Variants in RPA1 observed in about 807,000 individuals in gnomAD.
RPA1 encodes replication protein A 70 kDa DNA-binding subunit.
RPA1 carries 49 observed loss-of-function variants against 83.0 expected under a neutral mutation model. That is an observed-to-expected ratio of 0.59 (90% CI 0.47 to 0.75). The LOEUF is 0.75. Ranked by LOEUF, RPA1 falls within the 30% of genes least tolerant of loss-of-function variation. The pLI is 0.00. For missense variants in RPA1, 693 were observed against 776.1 expected (o/e 0.89, Z 1.27); for synonymous variants, 279 against 281.8 (o/e 0.99, Z 0.10).
rs1052052163 is a variant in RPA1, at chr17:1,897,312, G to C, written c.*137G>C. ...GGTGGACTAAGCAATTTCCCCCCTC[G>C]TGCGCATCTCAGAACCCATCGGTAG... On this transcript the variant is annotated 3_prime_UTR_variant, in exon 17 of 17. Coordinates refer to ENST00000254719, the MANE Select transcript of RPA1 (RefSeq NM_002945.5). 2.3e-5 allele frequency: 15 copies of C among 658,972 alleles called. No individual in the cohort carries two copies. The South Asian group carries it at 2.9e-4, about 13-fold the overall frequency. 40.8% of individuals were successfully genotyped at this position (658,972 alleles called of 1,614,324 possible).
At chr17:1,865,625 AC>A (rs1274664531) in intron 5 of RPA1, among the ~76,000 whole-genome samples, 1 of 152,158 alleles carries the variant, frequency 6.6e-6, no homozygotes, top group Admixed American at 6.6e-5. Context: ...CGCCCCTGCC[AC>A]CCACTGCTGC....
chr17:1,896,936 C>T (rs962171021), intron 16 of RPA1, 135 bp from the exon 17 acceptor site: 5 of 726,816 alleles, frequency 6.9e-6, no homozygotes, highest in African/African-American at 1.7e-5. Context: ...GGCTGTCACT[C>T]ACTGGAATGA....
rs555803099 is a variant in RPA1, at chr17:1,882,608, C to T, written c.1242-1204C>T. Among the ~76,000 whole-genome samples, 26 of 152,142 alleles carry T rather than the reference C, an allele frequency of 1.7e-4. No homozygotes were observed. The South Asian group carries it at 2.7e-3, about 16-fold the overall frequency. On this transcript the variant is annotated intron_variant, in intron 12 of 16. Transcript: ENST00000254719. ...ACTTGCCAGGAGGTGGAGGTTGCAGCGAGCCAAGTTGGTACCACCACACTC... is the reference window on the plus strand; with the variant it reads ...ACTTGCCAGGAGGTGGAGGTTGCAGTGAGCCAAGTTGGTACCACCACACTC...
At chr17:1,886,145 C>A (rs940726312) in intron 13 of RPA1, among the ~76,000 whole-genome samples, 3 of 151,668 alleles carry the variant, frequency 2.0e-5, no homozygotes, top group African/African-American at 7.3e-5. Context: ...CTGTGTGTCT[C>A]CATTGAGCTC....
At chr17:1,861,477 C>T (rs1001665181) in intron 5 of RPA1, among the ~76,000 whole-genome samples, 14 of 152,080 alleles carry the variant, frequency 9.2e-5, no homozygotes, top group Admixed American at 5.9e-4. Flanking sequence ...TTGTCCGGTA[C>T]GTAGTTTTAA....
intron 5 of RPA1, chr17:1,854,352 A>G (rs1912610107): frequency 6.6e-6 from 1 of 152,166 alleles, no homozygotes; most frequent in Middle Eastern, 3.2e-3. Context: ...GCACAAATAG[A>G]TTGGAATAAT....
Position 1,830,113 on chromosome 17 carries a change from A to AG in RPA1, c.25dup (p.Ala9GlyfsTer30). 1 of 1,247,644 alleles carries AG rather than the reference A, an allele frequency of 8.0e-7. No homozygotes were observed. Among genetic ancestry groups the AG allele is most frequent in the Admixed American group, 4.2e-5 (1 of 23,746 alleles). 77.3% of individuals were successfully genotyped at this position (1,247,644 alleles called of 1,614,324 possible). On this transcript the variant is annotated frameshift_variant, in exon 1 of 17. Transcript: ENST00000254719. LOFTEE classifies it high-confidence loss of function. ...GGAGCCATGGTCGGCCAACTGAGCG[A>AG]GGGGGCCATTGCGGTGAGGAGGTGC... is the stretch of plus-strand genomic sequence containing the variant.
At chr17:1,881,351 G>T (rs1027280395) in intron 12 of RPA1, among the ~76,000 whole-genome samples, 1 of 152,142 alleles carries the variant, frequency 6.6e-6, no homozygotes, top group African/African-American at 2.4e-5. Flanking sequence ...CTATGGGGGG[G>T]AAGTGTGTCA....
At chr17:1,855,254 C>G (rs763660038) in intron 5 of RPA1, among the ~76,000 whole-genome samples, 4 of 152,084 alleles carry the variant, frequency 2.6e-5, no homozygotes, top group Non-Finnish European at 4.4e-5. Flanking sequence ...CCTCCGCCTC[C>G]CGGGTTCAAG....
At chr17:1,880,502 C>A (rs750505392) in intron 11 of RPA1, 41 bp from the exon 12 acceptor site, 2 of 1,597,604 alleles carry the variant, frequency 1.3e-6, no homozygotes, top group East Asian at 4.5e-5. Context: ...TGTGTTCTTC[C>A]TGCTAGTGAC....
rs1913915119 is a variant in RPA1 at position 1,884,273 on chromosome 17, C to T, written c.1374+329C>T. 6.6e-6 allele frequency among the ~76,000 whole-genome samples: 1 copy of T among 152,124 alleles called. No individual in the cohort carries two copies. On this transcript the variant is annotated intron_variant, in intron 13 of 16. Coordinates refer to ENST00000254719, the MANE Select transcript of RPA1 (RefSeq NM_002945.5). The surrounding 1 kb of genome is among the most constrained non-coding windows in gnomAD (Gnocchi z 4.1). Reference sequence around the variant, plus strand: ...CGGGTCCACGTTTCTTTCCTGTGATCCTTCCTGCAAATTTAAGCGCCCACA... The same window carrying T: ...CGGGTCCACGTTTCTTTCCTGTGATTCTTCCTGCAAATTTAAGCGCCCACA...
At chr17:1,866,106 G>C (rs568373022) in intron 5 of RPA1, among the ~76,000 whole-genome samples, 22 of 152,020 alleles carry the variant, frequency 1.4e-4, no homozygotes, top group Non-Finnish European at 2.4e-4. Flanking sequence ...GCCAGGCGTG[G>C]TGGTGTACAC....
chr17:1,880,420 T>C (rs1479904753), intron 11 of RPA1, 123 bp from the exon 12 acceptor site: 2 of 988,968 alleles, frequency 2.0e-6, no homozygotes, highest in Non-Finnish European at 3.0e-6. Context: ...GTCTGTCTTG[T>C]ATGGATTCCA....
At chr17:1,875,360 C>A (rs1483383820) in intron 6 of RPA1, among the ~76,000 whole-genome samples, 1 of 152,180 alleles carries the variant, frequency 6.6e-6, no homozygotes, top group Non-Finnish European at 1.5e-5. Context: ...AGAGGGCGGC[C>A]TTCAGAAACA....
At chr17:1,846,295 C>T in intron 4 of RPA1, among the ~76,000 whole-genome samples, 1 of 141,564 alleles carries the variant, frequency 7.1e-6, no homozygotes. Context: ...GATTTCTTCC[C>T]TTGTAGGAAG....
chr17:1,842,027 A>G (rs574613508), intron 1 of RPA1, among the ~76,000 whole-genome samples: 7 of 151,974 alleles, frequency 4.6e-5, no homozygotes, highest in Admixed American at 3.9e-4. Flanking sequence ...ATTTTGTTGA[A>G]GATTCTTTTT....
chr17:1,879,728 G>A (rs200429150), intron 11 of RPA1, 29 bp downstream of exon 11: 112 of 1,613,480 alleles, frequency 6.9e-5, no homozygotes, highest in Middle Eastern at 1.6e-4. Flanking sequence ...TCTTCAACAC[G>A]CACAGGACCT....
intron 14 of RPA1, among the ~76,000 whole-genome samples, chr17:1,890,533 G>C (rs894951746): frequency 1.3e-5 from 2 of 151,906 alleles, no homozygotes; most frequent in African/African-American, 4.8e-5. Flanking sequence ...CGTGGTGGCG[G>C]GCACCTGCAG....
chr17:1,864,860 A>G (rs2151280781), intron 5 of RPA1, among the ~76,000 whole-genome samples: 1 of 152,336 alleles, frequency 6.6e-6, no homozygotes, highest in East Asian at 1.9e-4. Context: ...AGATTGTGCC[A>G]TTGCACTCCA....
Sources: gnomAD v4.1 joint callset for allele counts (sites outside exome capture counted in the v4.1 genomes callset) on GRCh38, gnomAD v4.1.1 for gene constraint, Gnocchi (gnomAD v3.1) non-coding constraint, MANE v1.5 for transcripts, NCBI Gene and HGNC (gene_info 2026-07-23, HGNC 2026-07-21) for gene names.